STXBP2: variants seen among roughly 807,000 people sequenced by gnomAD.
The protein encoded by STXBP2 is syntaxin-binding protein 2.
Under a neutral mutation model 72.2 loss-of-function variants are expected in STXBP2, and 47 were observed. The observed-to-expected ratio is 0.65, with a 90% CI of 0.51 to 0.83. The LOEUF is 0.83. Among genes scored for constraint, STXBP2 ranks in the 40% least tolerant of loss-of-function variants. The probability of loss-of-function intolerance (pLI) is 0.00; values close to 1 mark genes in which losing one functional copy is unlikely to be tolerated. For missense variants in STXBP2, 702 were observed against 807.6 expected, an observed-to-expected ratio of 0.87 and a Z score of 1.58; for synonymous variants, 367 against 338.7, an observed-to-expected ratio of 1.08 and a Z score of -0.92.
rs1042449422 is a variant in STXBP2, at chr19:7,642,465, G to T, written c.831G>T (p.Lys277Asn). The stretch of plus-strand genomic sequence containing the variant: ...CCGGGCTGAGCGAGGCGCGGGAGAA[G>T]GCCGTCTTGCTGGACGAGGACGATG... The part of the protein sequence containing the change: ...ETTGLSEARE[K>N]AVLLDEDDDL... Residue 277 changes from lysine (K) to asparagine (N), a missense_variant, in exon 10 of 19, where the codon AAG becomes AAT. Transcript: ENST00000221283. The surrounding 1 kb of genome is among the most constrained non-coding windows in gnomAD (Gnocchi z 6.0). 1 of 1,613,942 alleles carries T rather than the reference G, an allele frequency of 6.2e-7. No individual in the cohort carries two copies. The highest frequency in any genetic ancestry group is 1.3e-5 in the African/African-American group (1 of 74,924).
At position 7,642,715 on chromosome 19, in the gene STXBP2, G is replaced by T. The variant is rs772293427; in HGVS notation, c.903-51G>T. 1.9e-6 allele frequency: 3 copies of T among 1,597,830 alleles called. No homozygotes were observed. The South Asian group carries it at 3.3e-5, about 18-fold the overall frequency. On this transcript the variant is annotated intron_variant, in intron 10 of 18. Transcript: ENST00000221283. This position sits in a 1 kb window ranked among gnomAD's most constrained non-coding sequence, Gnocchi z 6.0. ...TCCCCCCTGAGTGGGCTCACCCATG[G>T]CCTGTGGCTCCTCTCCCCTCACTCT...
rs199748619 is a variant in STXBP2, at chr19:7,646,112, GCT to G, written c.1357-129_1357-128del. On this transcript the variant is annotated intron_variant, in intron 15 of 18. Transcript: ENST00000221283. ...CTCTCTCGCTTTCTTGCTGTCTCTCGCTCTCTCTCGCTCTCTGTTCCACTTCC... is the reference window on the plus strand; with the variant it reads ...CTCTCTCGCTTTCTTGCTGTCTCTCGCTCTCTCGCTCTCTGTTCCACTTCC... 763 of 672,688 alleles carry G rather than the reference GCT, an allele frequency of 1.1e-3. 7 individuals are homozygous for G. In the African/African-American group the frequency reaches 0.012, roughly 10 times the overall value. The allele number at this position is 672,688 out of a possible 1,614,324, so 41.7% of individuals were successfully genotyped here.
Position 7,647,725 on chromosome 19 carries a change from G to C in STXBP2, c.1697G>C (p.Gly566Ala). The C allele has an allele frequency of 6.2e-7, 1 of 1,614,076 alleles. No homozygotes were observed. The highest frequency in any genetic ancestry group is 8.5e-7 in the Non-Finnish European group (1 of 1,179,980). ...TCCCCAAACCTCTGCCCCTGCACAG[G>C]CTCCTCACACATCCTCACCCCGACC... ...ATEGKWEVLI[G>A]SSHILTPTRF... Residue 566 changes from glycine to alanine, a missense_variant and splice_region_variant, in exon 19 of 19, where the codon GGC becomes GCC. Transcript: ENST00000221283.
intron 15 of STXBP2, chr19:7,645,949 G>T: frequency 6.1e-6 from 3 of 494,048 alleles, no homozygotes; most frequent in Non-Finnish European, 1.1e-5. Context: ...TTCATCTCTT[G>T]TCTCTCTCTT....
the STXBP2 span, chr19:7,630,464 C>A: frequency 1.2e-6 from 1 of 855,042 alleles, no homozygotes; most frequent in Non-Finnish European, 1.9e-6. Flanking sequence ...TTGGGTCGGC[C>A]GTAACGAGGC....
At chr19:7,632,670 C>T (rs768768434), upstream of STXBP2, 15 of 1,549,568 alleles carry the variant, frequency 9.7e-6, no homozygotes, top group African/African-American at 1.4e-5. This position sits in a 1 kb window ranked among gnomAD's most constrained non-coding sequence, Gnocchi z 5.2. Flanking sequence ...CCTGCACTCC[C>T]ACCCCGTTCA....
Position 7,642,831 on chromosome 19 carries a change from C to T in STXBP2, c.960+8C>T, listed in dbSNP as rs1020775673. ...AGGCTGACCACGGACAAGGTAGGGG[C>T]GGACCCAGGTCACCAAAGGCGCTGG... On this transcript the variant is annotated splice_region_variant and intron_variant, in intron 11 of 18. Transcript: ENST00000221283. The surrounding 1 kb of genome is among the most constrained non-coding windows in gnomAD (Gnocchi z 6.0). 24 of 1,613,960 alleles carry T rather than the reference C, an allele frequency of 1.5e-5. No homozygotes were observed. Among genetic ancestry groups the T allele is most frequent in the East Asian group, 4.5e-5 (2 of 44,892 alleles).
At chr19:7,640,142 G>C (rs1440295886) in intron 4 of STXBP2, 2 of 540,042 alleles carry the variant, frequency 3.7e-6, no homozygotes, top group Non-Finnish European at 7.0e-6. Flanking sequence ...ATGTGTGTGT[G>C]CATCTGTGTG....
intron 17 of STXBP2, 32 bp from the exon 18 acceptor site, chr19:7,647,322 C>T: frequency 5.6e-6 from 9 of 1,612,422 alleles, no homozygotes; most frequent in Non-Finnish European, 7.6e-6. Flanking sequence ...TGAGGGCCTC[C>T]TGCCTGGACT....
the STXBP2 span, chr19:7,631,400 G>GGA: frequency 1.1e-6 from 1 of 883,612 alleles, no homozygotes; most frequent in African/African-American, 2.0e-5. Context: ...AGAGGTGGGC[G>GGA]GGGGGGGGTG....
Position 7,639,900 on chromosome 19 carries a change from ATG to A in STXBP2, c.246+97_246+98del, listed in dbSNP as rs770688925. On this transcript the variant is annotated intron_variant, in intron 4 of 18. Transcript: ENST00000221283. ...TGCATGCATGTGATTGCATGTGTGC[ATG>A]TGTATACGTGTGCATGTGTCCATGT... 47 of 1,370,866 alleles carry A rather than the reference ATG, an allele frequency of 3.4e-5. No individual in the cohort carries two copies. The South Asian group carries it at 5.6e-4, about 16-fold the overall frequency. The allele number at this position is 1,370,866 out of a possible 1,614,324, so 84.9% of individuals were successfully genotyped here.
upstream of STXBP2, chr19:7,632,897 C>A (rs2146197001): frequency 1.3e-6 from 2 of 1,525,704 alleles, no homozygotes; most frequent in Admixed American, 4.0e-5. The surrounding 1 kb of genome is among the most constrained non-coding windows in gnomAD (Gnocchi z 5.2). Flanking sequence ...ACTTCCTAGC[C>A]AGCTTGCTCA....
chr19:7,645,589 G>A (rs1000070855), intron 15 of STXBP2, among the ~76,000 whole-genome samples: 3 of 107,912 alleles, frequency 2.8e-5, no homozygotes, highest in African/African-American at 1.2e-4. Context: ...GAGTGCTAGA[G>A]GCAGGGAGTA....
rs925363970 is a variant in STXBP2 at position 7,637,200 on chromosome 19, C to T, written c.37+14C>T. On this transcript the variant is annotated intron_variant, in intron 1 of 18. Coordinates refer to ENST00000221283, the MANE Select transcript of STXBP2 (RefSeq NM_006949.4). Reference sequence around the variant, plus strand: ...TGGTGGGGGAAAGTGAGTGCCTCTCCGGGGCCGGGCTCTGGCGTCCGGTGT... The same window carrying T: ...TGGTGGGGGAAAGTGAGTGCCTCTCTGGGGCCGGGCTCTGGCGTCCGGTGT... 5 of 1,242,606 alleles carry T rather than the reference C, an allele frequency of 4.0e-6. No individual in the cohort carries two copies. Among genetic ancestry groups the T allele is most frequent in the South Asian group, 8.1e-5 (2 of 24,736 alleles). The allele number at this position is 1,242,606 out of a possible 1,614,324, so 77.0% of individuals were successfully genotyped here. A position where few individuals can be genotyped will look rare whatever the true frequency, so the allele number is the denominator to read the frequency against.
At chr19:7,640,069 C>A (rs540134393) in intron 4 of STXBP2, 2 of 601,402 alleles carry the variant, frequency 3.3e-6, no homozygotes, top group Non-Finnish European at 6.2e-6. Context: ...TGTGTGTATG[C>A]GTGTGTGTCT....
In STXBP2 at chr19:7,638,765, G is replaced by C. The variant is rs766776892; in HGVS notation, c.77G>C (p.Gly26Ala). 2.5e-6 allele frequency: 4 copies of C among 1,614,022 alleles called. No individual in the cohort carries two copies. The South Asian group carries it at 4.4e-5, about 18-fold the overall frequency. Residue 26 changes from glycine to alanine, a missense_variant, in exon 2 of 19, where the codon GGG (glycine) becomes GCG (alanine). By Grantham distance (60) the Gly-to-Ala change is moderately conservative. Coordinates refer to ENST00000221283, the MANE Select transcript of STXBP2 (RefSeq NM_006949.4). Reference protein sequence around the residue: ...SGVIRSVKKDGEWKVLIMDHP... With the variant: ...SGVIRSVKKDAEWKVLIMDHP... ...GTTATTCGGAGTGTCAAGAAGGATG[G>C]GGAGTGGAAGGTAGGGGTGAGGCAG... is the stretch of plus-strand genomic sequence containing the variant.
chr19:7,642,306 T>G lies in STXBP2; in HGVS notation c.767T>G (p.Leu256Arg). ...ELTFQAMAYD[L>R]LDIEQDTYRY... ...ACGTTCCAGGCCATGGCGTATGATC[T>G]GCTGGACATAGAGCAGGACACATAC... The change falls in exon 9 of 19, where the codon CTG becomes CGG. Residue 256 changes from leucine to arginine, a missense_variant. Leu to Arg is a moderately radical substitution (Grantham distance 102). Transcript: ENST00000221283. The surrounding 1 kb of genome is among the most constrained non-coding windows in gnomAD (Gnocchi z 6.0). 1 of 1,614,134 alleles carries G rather than the reference T, an allele frequency of 6.2e-7. No individual in the cohort carries two copies.
chr19:7,637,124 AGCG>A lies in STXBP2; in HGVS notation c.-16_-14del, dbSNP rs1438675248. 8.1e-7 allele frequency: 1 copy of A among 1,240,026 alleles called. No homozygotes were observed. The highest frequency in any genetic ancestry group is 1.0e-6 in the Non-Finnish European group (1 of 987,988). The allele number at this position is 1,240,026 out of a possible 1,614,324, so 76.8% of individuals were successfully genotyped here. Reference sequence around the variant, plus strand: ...GCCCCCACCTTGGGACACACCCGGAAGCGGCGGCGGCGCCCCTCGGGGAAGATG... The same window carrying A: ...GCCCCCACCTTGGGACACACCCGGAAGCGGCGGCGCCCCTCGGGGAAGATG... On this transcript the variant is annotated 5_prime_UTR_variant, in exon 1 of 19. Transcript: ENST00000221283.
chr19:7,642,516 G>C lies in STXBP2; in HGVS notation c.882G>C (p.Met294Ile). The C allele has an allele frequency of 6.2e-7, 1 of 1,614,000 alleles. No homozygotes were observed. The highest frequency in any genetic ancestry group is 8.5e-7 in the Non-Finnish European group (1 of 1,180,022). ...ACTTGTGGGTGGAGCTTCGCCACAT[G>C]CATATCGCAGATGTGTCCAAGTGCG... ...DDDLWVELRH[M>I]HIADVSKKVT... Residue 294 changes from methionine (M) to isoleucine (I), a missense_variant, in exon 10 of 19, where the codon ATG (methionine) becomes ATC (isoleucine). Transcript: ENST00000221283. This position sits in a 1 kb window ranked among gnomAD's most constrained non-coding sequence, Gnocchi z 6.0.
Sources: allele counts gnomAD v4.1 joint callset (sites outside exome capture counted in the v4.1 genomes callset), GRCh38; gene constraint gnomAD v4.1.1; non-coding constraint Gnocchi (gnomAD v3.1); transcripts MANE v1.5; gene names NCBI Gene and HGNC (gene_info 2026-07-23, HGNC 2026-07-21).